Variants in CSNK1A1 observed in about 807,000 individuals in gnomAD.
CSNK1A1 encodes casein kinase 1 alpha 1, also known as casein kinase I isoform alpha.
In CSNK1A1, 7 loss-of-function variants were observed where a neutral mutation model predicts 46.1. The observed-to-expected ratio is 0.15, with a 90% CI of 0.09 to 0.29. The LOEUF (loss-of-function observed/expected upper bound fraction) is 0.29, where lower values mean the gene tolerates loss of function less well. CSNK1A1 is among the 10% of genes least tolerant of loss of function. CSNK1A1 has a pLI of 1.00. For missense variants in CSNK1A1, 96 were observed against 417.1 expected (o/e 0.23, Z 6.71); for synonymous variants, 137 against 141.5 (o/e 0.97, Z 0.23).
At chr5:149,521,159 A>C (rs1279181217) in intron 3 of CSNK1A1, among the ~76,000 whole-genome samples, 2 of 152,166 alleles carry the variant, frequency 1.3e-5, no homozygotes, top group African/African-American at 4.8e-5. Flanking sequence ...TATGGGCTTC[A>C]AATCCCATAT....
rs1272314422 is a variant in CSNK1A1 at position 149,517,752 on chromosome 5, A to G, written c.456+2538T>C. On this transcript the variant is annotated intron_variant, in intron 4 of 9. Coordinates refer to ENST00000377843, the MANE Select transcript of CSNK1A1 (RefSeq NM_001892.6). The surrounding 1 kb of genome is among the most constrained non-coding windows in gnomAD (Gnocchi z 4.4). ...ATAAAACAATAAAAAAGAAAAGCACATGAATTTGGGATTGAGGTTGGAATA... is the reference window on the plus strand; with the variant it reads ...ATAAAACAATAAAAAAGAAAAGCACGTGAATTTGGGATTGAGGTTGGAATA... 1.6e-6 allele frequency: 2 copies of G among 1,220,152 alleles called. No homozygotes were observed. Among genetic ancestry groups the G allele is most frequent in the Non-Finnish European group, 2.4e-6 (2 of 845,110 alleles). 75.6% of individuals were successfully genotyped at this position (1,220,152 alleles called of 1,614,324 possible). A position where few individuals can be genotyped will look rare whatever the true frequency, so the allele number is the denominator to read the frequency against.
In CSNK1A1 at chr5:149,495,604, T is replaced by A. The variant is rs1219225791; in HGVS notation, c.*1249A>T. On this transcript the variant is annotated 3_prime_UTR_variant, in exon 10 of 10. Coordinates refer to ENST00000377843, the MANE Select transcript of CSNK1A1 (RefSeq NM_001892.6). ...ACTGCTTATAGCCATTTCAAAAGTA[T>A]TTTAAAGAAAAATGTTTTGTAGGGA... 2.6e-5 allele frequency: 4 copies of A among 152,438 alleles called. No homozygotes were observed. Among genetic ancestry groups the A allele is most frequent in the Admixed American group, 2.6e-4 (4 of 15,288 alleles). The allele number at this position is 152,438 out of a possible 1,614,324, so 9.4% of individuals were successfully genotyped here.
intron 2 of CSNK1A1, among the ~76,000 whole-genome samples, chr5:149,542,539 A>T (rs1330228098): frequency 1.5e-5 from 2 of 132,284 alleles, no homozygotes; most frequent in Non-Finnish European, 3.2e-5. Context: ...GCCAAGGAAT[A>T]ACCCACATAC....
rs529275590 is a variant in CSNK1A1 at position 149,496,980 on chromosome 5, G to A, written c.1007-120C>T. The A allele has an allele frequency of 9.0e-5, 132 of 1,463,876 alleles. 1 individual carries two copies. The highest frequency in any genetic ancestry group is 1.2e-4 in the East Asian group (5 of 40,302). 90.7% of individuals were successfully genotyped at this position (1,463,876 alleles called of 1,614,324 possible). A position where few individuals can be genotyped will look rare whatever the true frequency, so the allele number is the denominator to read the frequency against. On this transcript the variant is annotated intron_variant, in intron 9 of 9. Coordinates refer to ENST00000377843, the MANE Select transcript of CSNK1A1 (RefSeq NM_001892.6). ...TAATTATAGTGGCTCATGTTATTTC[G>A]TCTCTTGTGAAAAGTATTAGCTCAA... is the stretch of plus-strand genomic sequence containing the variant.
At chr5:149,539,710 G>A (rs1249178549) in intron 2 of CSNK1A1, among the ~76,000 whole-genome samples, 1 of 151,896 alleles carries the variant, frequency 6.6e-6, no homozygotes, top group African/African-American at 2.4e-5. Flanking sequence ...TTGCAGTTAG[G>A]GATTAGTTGT....
At chr5:149,497,345 A>G (rs1405028450) in intron 9 of CSNK1A1, 1 of 986,542 alleles carries the variant, frequency 1.0e-6, no homozygotes, top group African/African-American at 1.7e-5. Context: ...TACTAAACAA[A>G]GACCTGAGAA....
At chr5:149,520,623 G>A (rs1227210102) in intron 3 of CSNK1A1, among the ~76,000 whole-genome samples, 1 of 151,768 alleles carries the variant, frequency 6.6e-6, no homozygotes, top group Admixed American at 6.6e-5. Flanking sequence ...ACCATGGCAG[G>A]GTCTAACCCC....
chr5:149,544,196 A>C (rs1443225358), intron 2 of CSNK1A1, among the ~76,000 whole-genome samples: 2 of 152,122 alleles, frequency 1.3e-5, no homozygotes, highest in Non-Finnish European at 2.9e-5. Flanking sequence ...TCTATTCAGC[A>C]CTCTCCTTCC....
intron 3 of CSNK1A1, among the ~76,000 whole-genome samples, chr5:149,520,836 A>G (rs772609798): frequency 2.0e-5 from 3 of 152,234 alleles, no homozygotes; most frequent in Non-Finnish European, 4.4e-5. Context: ...ACAGATACAC[A>G]TATACTTGGG....
At chr5:149,543,401 A>T (rs890472032) in intron 2 of CSNK1A1, among the ~76,000 whole-genome samples, 1 of 152,196 alleles carries the variant, frequency 6.6e-6, no homozygotes, top group Non-Finnish European at 1.5e-5. Context: ...ATAAGCCAGT[A>T]TAAAGCAGCT....
intron 9 of CSNK1A1, chr5:149,501,626 T>G (rs1760859536): frequency 1.0e-6 from 1 of 985,084 alleles, no homozygotes; most frequent in Admixed American, 6.1e-5. Context: ...TTAGTAACTA[T>G]GGTTAGGGTA....
rs1357725776 is a variant in CSNK1A1 at position 149,542,492 on chromosome 5, T to C, written c.230+7583A>G. ...GAAAAACTGTCTTCCACGAAACCTG[T>C]CCCTGGTGCCAAAAAGGCTGGGGAC... On this transcript the variant is annotated intron_variant, in intron 2 of 9. Coordinates refer to ENST00000377843, the MANE Select transcript of CSNK1A1 (RefSeq NM_001892.6). Among the ~76,000 whole-genome samples, 3 of 130,810 alleles carry C rather than the reference T, an allele frequency of 2.3e-5. No homozygotes were observed. The Admixed American group carries it at 2.5e-4, about 11-fold the overall frequency. The allele number at this position is 130,810 out of a possible 152,430, so 85.8% of individuals were successfully genotyped here.
rs749973923 is a variant in CSNK1A1, at chr5:149,550,216, C to A, written c.124-35G>T. On this transcript the variant is annotated intron_variant, in intron 1 of 9. Transcript: ENST00000377843. The surrounding 1 kb of genome is among the most constrained non-coding windows in gnomAD (Gnocchi z 4.3). ...AAAGAGGGGATGATGGCATCAACAT[C>A]CCTACGGATTCAATGTCACTTAGGA... is the stretch of plus-strand genomic sequence containing the variant. 1.9e-6 allele frequency: 3 copies of A among 1,608,034 alleles called. No homozygotes were observed. The South Asian group carries it at 3.3e-5, about 18-fold the overall frequency.
intron 2 of CSNK1A1, among the ~76,000 whole-genome samples, chr5:149,542,595 TATATA>T (rs1762273937): frequency 3.5e-4 from 1 of 2,832 alleles, no homozygotes; most frequent in African/African-American, 2.3e-3. Flanking sequence ...TACAAATTTA[TATATA>T]TATATATATA....
At chr5:149,513,627 C>T (rs760002137) in intron 4 of CSNK1A1, among the ~76,000 whole-genome samples, 50 of 152,138 alleles carry the variant, frequency 3.3e-4, no homozygotes, top group Non-Finnish European at 1.6e-4. Context: ...TGGCCGAGCG[C>T]GGTAGCTCAC....
At chr5:149,510,474 T>G (rs775735126) in intron 6 of CSNK1A1, among the ~76,000 whole-genome samples, 2 of 151,854 alleles carry the variant, frequency 1.3e-5, no homozygotes, top group Non-Finnish European at 2.9e-5. Context: ...CTTTGTTTTT[T>G]TGTTTGTTTG....
chr5:149,502,121 A>G (rs2113055875), intron 9 of CSNK1A1: 1 of 978,820 alleles, frequency 1.0e-6, no homozygotes, highest in Non-Finnish European at 1.2e-6. Context: ...AAGAATCTTT[A>G]AACATTCTTA....
chr5:149,515,304 T>C (rs899754605), intron 4 of CSNK1A1, among the ~76,000 whole-genome samples: 3 of 152,358 alleles, frequency 2.0e-5, no homozygotes, highest in Admixed American at 2.0e-4. Flanking sequence ...GTTTCATTCA[T>C]GTCTAAATCT....
In CSNK1A1 at chr5:149,515,937, T is replaced by G. The variant is rs139359433; in HGVS notation, c.457-2728A>C. On this transcript the variant is annotated intron_variant, in intron 4 of 9. Coordinates refer to ENST00000377843, the MANE Select transcript of CSNK1A1 (RefSeq NM_001892.6). Reference sequence around the variant, plus strand: ...AATCAAGCTCCTTTTCTGTGGATTTTTACTAACTACATGTTATGAGTAAAA... The same window carrying G: ...AATCAAGCTCCTTTTCTGTGGATTTGTACTAACTACATGTTATGAGTAAAA... Among the ~76,000 whole-genome samples, 741 of 152,358 alleles carry G rather than the reference T, an allele frequency of 4.9e-3. 6 individuals carry two copies. Among genetic ancestry groups the G allele is most frequent in the African/African-American group, 0.017 (715 of 41,576 alleles).
Sources: gnomAD v4.1 joint callset for allele counts (sites outside exome capture counted in the v4.1 genomes callset) on GRCh38, gnomAD v4.1.1 for gene constraint, Gnocchi (gnomAD v3.1) non-coding constraint, MANE v1.5 for transcripts, NCBI Gene and HGNC (gene_info 2026-07-23, HGNC 2026-07-21) for gene names.